Variants in POLR3C observed in about 807,000 individuals in gnomAD.
POLR3C encodes the protein DNA-directed RNA polymerase III subunit RPC3.
In POLR3C, 44 loss-of-function variants were observed where a neutral mutation model predicts 65.9. The observed-to-expected ratio is 0.67, with a 90% confidence interval of 0.52 to 0.86. The LOEUF is 0.86. Among genes scored for constraint, POLR3C ranks in the 40% least tolerant of loss-of-function variants. The pLI is 0.00. For synonymous variants in POLR3C, 263 were observed against 231.6 expected (o/e 1.14, Z -1.23); for missense variants, 576 against 653.2 (o/e 0.88, Z 1.29).
chr1:145,840,735 G>A (rs1199334228), intron 13 of POLR3C, among the ~76,000 whole-genome samples, 187 bp from the exon 14 acceptor site: 1 of 152,174 alleles, frequency 6.6e-6, no homozygotes, highest in East Asian at 1.9e-4. Flanking sequence ...GTGCAAATGA[G>A]AGGCAATAAG....
chr1:145,826,951 A>G lies in POLR3C; in HGVS notation c.535A>G (p.Thr179Ala), dbSNP rs1339762030. The change falls in exon 4 of 15, where the codon ACA becomes GCA. Residue 179 changes from threonine to alanine, a missense_variant. Coordinates refer to ENST00000334163, the MANE Select transcript of POLR3C (RefSeq NM_006468.8). The stretch of plus-strand genomic sequence containing the variant: ...CCCTGGGCCACCACCACCTGCCCCC[A>G]CACTTGTCATTAATGAAAAGGACAT... ...SDPGPPPPAPTLVINEKDMYL... is the reference protein window; with the variant it reads ...SDPGPPPPAPALVINEKDMYL... 1.9e-6 allele frequency: 3 copies of G among 1,612,532 alleles called. No homozygotes were observed. The African/African-American group carries it at 4.0e-5, about 22-fold the overall frequency.
At chr1:145,833,138 A>AT (rs1414390675) in intron 5 of POLR3C, 122 bp from the exon 6 acceptor site, 8 of 619,610 alleles carry the variant, frequency 1.3e-5, no homozygotes, top group Middle Eastern at 3.0e-4. Context: ...TGACTGAATG[A>AT]TTTTTTTCCA....
chr1:145,837,589 C>T lies in POLR3C; in HGVS notation c.1063C>T (p.Gln355Ter). 6.2e-7 allele frequency: 1 copy of T among 1,605,148 alleles called. No homozygotes were observed. Among genetic ancestry groups the T allele is most frequent in the East Asian group, 2.2e-5 (1 of 44,806 alleles). Residue 355 changes from glutamine to a stop codon, truncating the protein, a stop_gained, in exon 10 of 15, where the codon CAG (glutamine) becomes TAG (stop). Transcript: ENST00000334163. LOFTEE classifies it high-confidence loss of function. ...LATATLESVVQERFGSRCARI... is the reference protein window; with the variant it reads ...LATATLESVV ...CACAGCCACTCTGGAGTCCGTCGTA[C>T]AGGAGAGGTAAGGGGGACACTGGTT...
intron 7 of POLR3C, among the ~76,000 whole-genome samples, chr1:145,835,655 A>T (rs587694520): frequency 1.1e-3 from 165 of 150,946 alleles, no homozygotes; most frequent in Non-Finnish European, 2.0e-3. Flanking sequence ...GCTCACTGCA[A>T]CCTCCGCCTC....
At position 145,826,492 on chromosome 1, in the gene POLR3C, G is replaced by C. The variant is rs782753931; in HGVS notation, c.186G>C (p.Leu62=). The C allele has an allele frequency of 6.2e-7, 1 of 1,613,564 alleles. No homozygotes were observed. Among genetic ancestry groups the C allele is most frequent in the Non-Finnish European group, 8.5e-7 (1 of 1,179,758 alleles). The change falls in exon 3 of 15, where the codon CTG becomes CTC. Residue 62 remains leucine, a synonymous_variant. Coordinates refer to ENST00000334163, the MANE Select transcript of POLR3C (RefSeq NM_006468.8). The part of the protein sequence containing the change: ...KALCVLVQHN[L]VSYQVHKRGV... ...TGTGTGTCCTCGTCCAACATAACCT[G>C]GTGAGTTATCAAGTGCACAAACGTG... is the stretch of plus-strand genomic sequence containing the variant.
At chr1:145,835,964 T>C (rs1651785985) in intron 7 of POLR3C, among the ~76,000 whole-genome samples, 2 of 152,200 alleles carry the variant, frequency 1.3e-5, no homozygotes, top group Non-Finnish European at 2.9e-5. Flanking sequence ...TGTCTCACTC[T>C]TCATAATGAC....
chr1:145,837,786 T>G (rs1264690675), intron 10 of POLR3C, among the ~76,000 whole-genome samples, 190 bp downstream of exon 10: 1 of 152,236 alleles, frequency 6.6e-6, no homozygotes, highest in Non-Finnish European at 1.5e-5. Flanking sequence ...TTCCTACCGA[T>G]GCAAATTAAC....
chr1:145,842,284 C>A (rs1652349538), intron 14 of POLR3C, 55 bp from the exon 15 acceptor site: 2 of 1,115,334 alleles, frequency 1.8e-6, no homozygotes, highest in Non-Finnish European at 2.7e-6. Context: ...AACCTCTAAT[C>A]TTAAATATGC....
chr1:145,835,955 G>C (rs1222758328), intron 7 of POLR3C, among the ~76,000 whole-genome samples: 2 of 151,958 alleles, frequency 1.3e-5, no homozygotes, highest in Admixed American at 6.6e-5. Context: ...CTGTAGATTT[G>C]TCTCACTCTT....
intron 5 of POLR3C, among the ~76,000 whole-genome samples, chr1:145,829,713 C>G (rs1257583913): frequency 6.6e-6 from 1 of 152,184 alleles, no homozygotes; most frequent in Non-Finnish European, 1.5e-5. Context: ...ACTGTGTTCC[C>G]TCTACTGACT....
At chr1:145,828,022 A>G (rs1650931516) in intron 4 of POLR3C, among the ~76,000 whole-genome samples, 1 of 152,210 alleles carries the variant, frequency 6.6e-6, no homozygotes, top group African/African-American at 2.4e-5. Flanking sequence ...CATTTGAGCT[A>G]AGATTTGAAG....
intron 7 of POLR3C, among the ~76,000 whole-genome samples, chr1:145,834,073 C>A (rs1651579486): frequency 6.6e-6 from 1 of 152,188 alleles, no homozygotes; most frequent in Admixed American, 6.5e-5. Context: ...TGTAGCCCTA[C>A]AGCACACCTA....
rs920414630 is a variant in POLR3C at position 145,842,546 on chromosome 1, C to T, written c.*126C>T. The T allele has an allele frequency of 5.5e-6, 4 of 730,850 alleles. No individual in the cohort carries two copies. The highest frequency in any genetic ancestry group is 7.4e-6 in the Non-Finnish European group (3 of 404,354). The allele number at this position is 730,850 out of a possible 1,614,324, so 45.3% of individuals were successfully genotyped here. On this transcript the variant is annotated 3_prime_UTR_variant, in exon 15 of 15. Transcript: ENST00000334163. ...TCAACTAAACCCCCCTCTCTATCCCCTGCAGCCCAGGATACACCTGAAAGA... is the reference window on the plus strand; with the variant it reads ...TCAACTAAACCCCCCTCTCTATCCCTTGCAGCCCAGGATACACCTGAAAGA...
chr1:145,836,587 T>C lies in POLR3C; in HGVS notation c.957+13T>C. The C allele has an allele frequency of 6.4e-7, 1 of 1,561,086 alleles. No individual in the cohort carries two copies. Among genetic ancestry groups the C allele is most frequent in the Non-Finnish European group, 8.8e-7 (1 of 1,131,768 alleles). ...GGCAGATGATCCAGTAAGTCTGTTT[T>C]TGCTTTTTTTCTTTTTTCTTTAGCC... On this transcript the variant is annotated intron_variant, in intron 8 of 14. Coordinates refer to ENST00000334163, the MANE Select transcript of POLR3C (RefSeq NM_006468.8).
At chr1:145,839,483 T>C (rs1305762911) in intron 11 of POLR3C, 1 of 164,082 alleles carries the variant, frequency 6.1e-6, no homozygotes. Context: ...CTCAGCACTT[T>C]GGGAAACCAA....
rs1553731102 is a variant in POLR3C at position 145,843,140 on chromosome 1, A to AGCAGTCACACTAGAATCTGTGGACT, written c.*722_*746dup. On this transcript the variant is annotated 3_prime_UTR_variant, in exon 15 of 15. Transcript: ENST00000334163. ...CAGGGTTAGCAGGTGGATTGTCCCA[A>AGCAGTCACACTAGAATCTGTGGACT]GCAGTCACACTAGAATCTGTGGACT... Among the ~76,000 whole-genome samples, 3 of 152,196 alleles carry AGCAGTCACACTAGAATCTGTGGACT rather than the reference A, an allele frequency of 2.0e-5. No homozygotes were observed. The highest frequency in any genetic ancestry group is 6.5e-5 in the Admixed American group (1 of 15,272).
chr1:145,824,485 C>T (rs1420619408), intron 1 of POLR3C, 116 bp downstream of exon 1: 3 of 1,254,040 alleles, frequency 2.4e-6, no homozygotes, highest in Non-Finnish European at 3.1e-6. Context: ...CTTGGAAGCC[C>T]TTTCCGAGGA....
At position 145,833,003 on chromosome 1, in the gene POLR3C, C is replaced by T. The variant is rs587766895; in HGVS notation, c.679-257C>T. ...TGCCACTGCACTCCAGCCTGGGTGACGAGCAAAACTCCGTCTCAGAAAAAA... is the reference window on the plus strand; with the variant it reads ...TGCCACTGCACTCCAGCCTGGGTGATGAGCAAAACTCCGTCTCAGAAAAAA... On this transcript the variant is annotated intron_variant, in intron 5 of 14. Coordinates refer to ENST00000334163, the MANE Select transcript of POLR3C (RefSeq NM_006468.8). Among the ~76,000 whole-genome samples, 16 of 152,068 alleles carry T rather than the reference C, an allele frequency of 1.1e-4. No homozygotes were observed. In the South Asian group the frequency reaches 2.7e-3, roughly 26 times the overall value.
rs1280569157 is a variant in POLR3C at position 145,842,479 on chromosome 1, T to G, written c.*59T>G. 1 of 1,091,888 alleles carries G rather than the reference T, an allele frequency of 9.2e-7. No homozygotes were observed. The allele number at this position is 1,091,888 out of a possible 1,614,324, so 67.6% of individuals were successfully genotyped here. ...GGGATGGAAAGCAAAATAAAGGAGG[T>G]GCCTGGATGCATTATTTGCAGTGGG... On this transcript the variant is annotated 3_prime_UTR_variant, in exon 15 of 15. Coordinates refer to ENST00000334163, the MANE Select transcript of POLR3C (RefSeq NM_006468.8).
Sources: allele counts gnomAD v4.1 joint callset (sites outside exome capture counted in the v4.1 genomes callset), GRCh38; gene constraint gnomAD v4.1.1; transcripts MANE v1.5; gene names NCBI Gene and HGNC (gene_info 2026-07-23, HGNC 2026-07-21).